TMCO4: variants seen among roughly 807,000 people sequenced by gnomAD.
TMCO4 encodes transmembrane and coiled-coil domains 4.
A neutral mutation model predicts 64.7 loss-of-function variants in TMCO4; 58 were observed. The observed-to-expected ratio is 0.90, with a 90% CI of 0.73 to 1.12. TMCO4 has a LOEUF of 1.12. TMCO4 is among the 50% of genes most tolerant of loss of function. The pLI is 0.00. For missense variants in TMCO4, 780 were observed against 825.9 expected (o/e 0.94, Z 0.68); for synonymous variants, 325 against 346.1 (o/e 0.94, Z 0.68).
chr1:19,702,027 T>C lies in TMCO4; in HGVS notation c.1265-1142A>G, dbSNP rs111482303. ...CTCTGTAGCCCAGGCTGGAGTGCAG[T>C]GGCGCAATCTCGGCTCACTGCAAGC... On this transcript the variant is annotated intron_variant, in intron 13 of 15. Coordinates refer to ENST00000294543, the MANE Select transcript of TMCO4 (RefSeq NM_181719.7). Among the ~76,000 whole-genome samples the C allele has an allele frequency of 1.5e-4, 23 of 152,166 alleles. 1 individual carries two copies. The highest frequency in any genetic ancestry group is 5.5e-4 in the African/African-American group (23 of 41,536).
intron 14 of TMCO4, among the ~76,000 whole-genome samples, chr1:19,697,430 G>T (rs2095244011): frequency 6.7e-6 from 1 of 148,664 alleles, no homozygotes; most frequent in African/African-American, 2.5e-5. Context: ...GCTAATTTTT[G>T]TATTTTTTTG....
chr1:19,729,982 A>G (rs1352715164), intron 13 of TMCO4, among the ~76,000 whole-genome samples: 2 of 152,252 alleles, frequency 1.3e-5, no homozygotes, highest in Non-Finnish European at 2.9e-5. Context: ...AGCAAAAAAT[A>G]GTGCCTACTT....
chr1:19,796,080 A>C (rs2044293472), intron 2 of TMCO4, among the ~76,000 whole-genome samples: 1 of 152,208 alleles, frequency 6.6e-6, no homozygotes, highest in Admixed American at 6.5e-5. Context: ...ACAGTTAAAT[A>C]ATAAAATCAG....
chr1:19,780,447 C>T (rs563288407), intron 4 of TMCO4, 133 bp downstream of exon 4: 2 of 1,109,324 alleles, frequency 1.8e-6, no homozygotes, highest in Admixed American at 3.1e-5. Context: ...GGTTAGAGAC[C>T]CCTGCGTTAG....
intron 2 of TMCO4, among the ~76,000 whole-genome samples, chr1:19,796,724 G>GCA (rs2044326869): frequency 2.0e-5 from 3 of 152,048 alleles, no homozygotes; most frequent in Non-Finnish European, 4.4e-5. Flanking sequence ...ACAGGTGCAT[G>GCA]CCACCATGCC....
At chr1:19,759,103 A>C (rs1180263568) in intron 6 of TMCO4, among the ~76,000 whole-genome samples, 1 of 128,886 alleles carries the variant, frequency 7.8e-6, no homozygotes, top group Non-Finnish European at 1.5e-5. Flanking sequence ...CTCGGTCTCA[A>C]AAAAAAAAAA....
chr1:19,786,429 A>G (rs1443209839), intron 3 of TMCO4, among the ~76,000 whole-genome samples: 1 of 152,208 alleles, frequency 6.6e-6, no homozygotes, highest in East Asian at 1.9e-4. Context: ...CAAGGAGTGA[A>G]TCAGACAGGG....
intron 14 of TMCO4, among the ~76,000 whole-genome samples, chr1:19,697,699 A>G (rs1307605719): frequency 6.6e-6 from 1 of 151,264 alleles, no homozygotes. Flanking sequence ...CCTGGGCTCA[A>G]GCCATCCTCC....
chr1:19,747,889 G>T (rs2041860427), intron 7 of TMCO4, among the ~76,000 whole-genome samples: 1 of 152,330 alleles, frequency 6.6e-6, no homozygotes, highest in East Asian at 1.9e-4. Context: ...TGGACATTCA[G>T]CCCTGAGCCC....
At chr1:19,795,821 A>G (rs1259380817) in intron 2 of TMCO4, among the ~76,000 whole-genome samples, 1 of 152,230 alleles carries the variant, frequency 6.6e-6, no homozygotes, top group Non-Finnish European at 1.5e-5. Context: ...GAAAACCAGC[A>G]AATTGGATGA....
intron 3 of TMCO4, among the ~76,000 whole-genome samples, chr1:19,785,267 C>T (rs577920411): frequency 1.3e-5 from 2 of 152,338 alleles, no homozygotes; most frequent in South Asian, 4.1e-4. Flanking sequence ...TAGCAAGACC[C>T]ACAATTACTT....
intron 13 of TMCO4, among the ~76,000 whole-genome samples, chr1:19,708,383 T>TA (rs371812591): frequency 7.7e-5 from 11 of 142,798 alleles, no homozygotes; most frequent in East Asian, 4.0e-4. Flanking sequence ...CTTAGCTTTT[T>TA]AAAAAAAAAA....
chr1:19,752,443 C>T (rs898038046), intron 7 of TMCO4, among the ~76,000 whole-genome samples: 4 of 152,216 alleles, frequency 2.6e-5, no homozygotes, highest in South Asian at 2.1e-4. Flanking sequence ...AAGAGCAAGA[C>T]GCCCGCATTG....
At chr1:19,794,636 G>A (rs777014564) in intron 2 of TMCO4, among the ~76,000 whole-genome samples, 13 of 152,150 alleles carry the variant, frequency 8.5e-5, no homozygotes, top group Admixed American at 2.6e-4. Context: ...TTCCAGCAAC[G>A]CCACTTCTGG....
Position 19,694,461 on chromosome 1 carries a change from C to T in TMCO4, c.1473G>A (p.Arg491=), listed in dbSNP as rs2100573071. ...GLQPVLLQDR[R]VENVDLTSVV... ...CAGAGGTCAGGTCCACGTTCTCCAC[C>T]CTCCTGTCCTGCAGCAGCACGGGCT... is the stretch of plus-strand genomic sequence containing the variant. Residue 491 remains arginine (R), a synonymous_variant, in exon 15 of 16, where the codon AGG becomes AGA. Coordinates refer to ENST00000294543, the MANE Select transcript of TMCO4 (RefSeq NM_181719.7). 1.9e-6 allele frequency: 3 copies of T among 1,614,098 alleles called. No homozygotes were observed. The highest frequency in any genetic ancestry group is 1.3e-5 in the African/African-American group (1 of 75,060).
chr1:19,700,928 C>A, intron 13 of TMCO4, 43 bp from the exon 14 acceptor site: 1 of 1,561,628 alleles, frequency 6.4e-7, no homozygotes, highest in Non-Finnish European at 8.8e-7. Context: ...TCCCTGGCCA[C>A]ATTGGGTGCT....
chr1:19,740,997 C>T (rs948707164), intron 10 of TMCO4, 56 bp from the exon 11 acceptor site: 3 of 1,503,430 alleles, frequency 2.0e-6, no homozygotes, highest in Non-Finnish European at 2.7e-6. Context: ...GGATGCCCCA[C>T]CCCAGTACCC....
At chr1:19,753,777 A>G (rs775822323) in intron 7 of TMCO4, among the ~76,000 whole-genome samples, 9 of 152,212 alleles carry the variant, frequency 5.9e-5, no homozygotes, top group African/African-American at 2.2e-4. Flanking sequence ...CCTGGGTCTC[A>G]GATCCTTCCA....
Position 19,780,745 on chromosome 1 carries a change from T to C in TMCO4, c.14A>G (p.Asn5Ser), listed in dbSNP as rs765692653. MAMWNRPCQRLPQQP... is the reference protein window; with the variant it reads MAMWSRPCQRLPQQP... ...CTGAGGCAGCCTCTGGCATGGCCTG[T>C]TCCACATGGCCATTCCCAGCGCTGC... Residue 5 changes from asparagine to serine, a missense_variant, in exon 4 of 16, where the codon AAC becomes AGC. Physicochemically the swap from Asn to Ser is conservative, Grantham distance 46. Transcript: ENST00000294543. 15 of 1,587,316 alleles carry C rather than the reference T, an allele frequency of 9.4e-6. No individual in the cohort carries two copies. In the South Asian group the frequency reaches 1.4e-4, roughly 15 times the overall value.
Sources: gnomAD v4.1 joint callset for allele counts (sites outside exome capture counted in the v4.1 genomes callset) on GRCh38, gnomAD v4.1.1 for gene constraint, MANE v1.5 for transcripts, NCBI Gene and HGNC (gene_info 2026-07-23, HGNC 2026-07-21) for gene names.